Variants in DLG2 observed in about 807,000 individuals in gnomAD.
DLG2 encodes the protein discs large MAGUK scaffold protein 2, also known as disks large homolog 2.
DLG2 carries 45 observed loss-of-function variants against 132.5 expected under a neutral mutation model. The ratio of observed to expected loss-of-function variants is 0.34; its 90% CI spans 0.27 to 0.44. The LOEUF is 0.44. DLG2 is among the 20% of genes least tolerant of loss of function. The pLI, the probability that DLG2 is intolerant of heterozygous loss-of-function variation, is 1.00. For missense variants in DLG2, 1,045 were observed against 1,196.9 expected (o/e 0.87, Z 1.87); for synonymous variants, 424 against 419.6 (o/e 1.01, Z -0.13).
intron 6 of DLG2, among the ~76,000 whole-genome samples, chr11:85,060,531 A>G (rs1451959285): frequency 6.6e-6 from 1 of 150,870 alleles, no homozygotes; most frequent in African/African-American, 2.4e-5. Flanking sequence ...ACATGTATTT[A>G]TATATACACG....
intron 21 of DLG2, among the ~76,000 whole-genome samples, chr11:83,488,186 A>G (rs1490581553): frequency 6.6e-6 from 1 of 152,036 alleles, no homozygotes; most frequent in Admixed American, 6.6e-5. Flanking sequence ...TGGTGTAAAT[A>G]ATTTTTATCT....
At chr11:83,850,374 T>C (rs1377908116) in intron 16 of DLG2, among the ~76,000 whole-genome samples, 3 of 152,096 alleles carry the variant, frequency 2.0e-5, no homozygotes, top group Non-Finnish European at 4.4e-5. Flanking sequence ...AGGATGGTCT[T>C]GATTTCTTGA....
rs140551449 is a variant in DLG2 at position 84,750,846 on chromosome 11, T to C, written c.358-216115A>G. Among the ~76,000 whole-genome samples the C allele has an allele frequency of 1.2e-4, 18 of 152,258 alleles. No individual in the cohort carries two copies. The East Asian group carries it at 3.3e-3, about 28-fold the overall frequency. On this transcript the variant is annotated intron_variant, in intron 6 of 27. Coordinates refer to ENST00000376104, the MANE Select transcript of DLG2 (RefSeq NM_001142699.3). ...TACCACCTGATTGACTGCAAAATTG[T>C]TAAGAAAGATTCCCTGAGGTAATCC...
At chr11:84,843,291 A>T (rs543011838) in intron 6 of DLG2, among the ~76,000 whole-genome samples, 1,109 of 100,650 alleles carry the variant, frequency 0.011, 13 homozygotes, top group African/African-American at 0.049. Context: ...TAGTACTGTT[A>T]AAAAAAAAAA....
At chr11:84,904,410 T>G (rs1466055490) in intron 6 of DLG2, among the ~76,000 whole-genome samples, 5 of 152,234 alleles carry the variant, frequency 3.3e-5, no homozygotes, top group Non-Finnish European at 7.3e-5. Context: ...TTTTCCACTC[T>G]GAAAGCTCAC....
chr11:84,074,765 T>TG (rs1443786589), intron 10 of DLG2, among the ~76,000 whole-genome samples: 2 of 152,020 alleles, frequency 1.3e-5, no homozygotes, highest in South Asian at 4.1e-4. Context: ...CCTGACCTCG[T>TG]GATCTGCCCA....
At chr11:84,896,074 C>A (rs1420709184) in intron 6 of DLG2, among the ~76,000 whole-genome samples, 1 of 152,032 alleles carries the variant, frequency 6.6e-6, no homozygotes. Context: ...TAACAGTGGG[C>A]TTCAGTCAGA....
intron 17 of DLG2, among the ~76,000 whole-genome samples, chr11:83,805,028 A>G (rs2045544950): frequency 6.6e-6 from 1 of 152,144 alleles, no homozygotes; most frequent in African/African-American, 2.4e-5. Flanking sequence ...GAATCAGGTG[A>G]AACATTTTTA....
intron 7 of DLG2, chr11:84,273,306 G>GAAAAAAAA (rs752762450): frequency 5.1e-6 from 4 of 791,320 alleles, no homozygotes; most frequent in Non-Finnish European, 2.9e-6. Context: ...AGTTGAAGAG[G>GAAAAAAAA]AAAAAAAAAA....
chr11:85,101,720 G>T (rs2070874616), intron 6 of DLG2, among the ~76,000 whole-genome samples: 1 of 152,032 alleles, frequency 6.6e-6, no homozygotes, highest in Non-Finnish European at 1.5e-5. Context: ...AAATAATGCT[G>T]TAGCACACAG....
chr11:83,808,760 T>C (rs760697302), intron 17 of DLG2, among the ~76,000 whole-genome samples: 1 of 152,186 alleles, frequency 6.6e-6, no homozygotes, highest in African/African-American at 2.4e-5. Context: ...TACACTGCAC[T>C]GTACACCGTA....
rs539190652 is a variant in DLG2 at position 85,065,009 on chromosome 11, T to C, written c.357+46652A>G. On this transcript the variant is annotated intron_variant, in intron 6 of 27. Coordinates refer to ENST00000376104, the MANE Select transcript of DLG2 (RefSeq NM_001142699.3). ...TTTACATAAAGAGATAAGTAGTATA[T>C]CTGTGGTATAAAAATTTCAAGAGGG... Among the ~76,000 whole-genome samples the C allele has an allele frequency of 9.9e-5, 15 of 151,674 alleles. No individual in the cohort carries two copies. In the South Asian group the frequency reaches 1.9e-3, roughly 19 times the overall value.
intron 18 of DLG2, among the ~76,000 whole-genome samples, chr11:83,707,791 T>C (rs1412451784): frequency 6.6e-6 from 1 of 152,232 alleles, no homozygotes; most frequent in Admixed American, 6.5e-5. Flanking sequence ...GCAGGAACCC[T>C]GTCTTAATCA....
At chr11:84,050,323 T>C (rs912396964) in intron 11 of DLG2, among the ~76,000 whole-genome samples, 1 of 151,948 alleles carries the variant, frequency 6.6e-6, no homozygotes, top group Non-Finnish European at 1.5e-5. Context: ...ATGTCTTCTT[T>C]TGAGAAGTGT....
chr11:85,564,665 T>A (rs2077431610), intron 3 of DLG2, among the ~76,000 whole-genome samples: 1 of 152,074 alleles, frequency 6.6e-6, no homozygotes, highest in South Asian at 2.1e-4. Context: ...TTTAGCTTTA[T>A]AATAAGTCTC....
intron 24 of DLG2, among the ~76,000 whole-genome samples, chr11:83,470,987 A>G (rs2091952562): frequency 6.6e-6 from 1 of 151,984 alleles, no homozygotes; most frequent in Non-Finnish European, 1.5e-5. Flanking sequence ...TGGAGAAAGT[A>G]TGGTAGGGGT....
intron 15 of DLG2, among the ~76,000 whole-genome samples, chr11:83,918,243 G>A (rs1015376614): frequency 3.3e-5 from 5 of 152,142 alleles, no homozygotes; most frequent in East Asian, 1.9e-4. Context: ...AACAGTATAC[G>A]TATAGGTGAG....
intron 6 of DLG2, among the ~76,000 whole-genome samples, chr11:84,910,196 C>G (rs913290640): frequency 5.3e-5 from 8 of 152,154 alleles, no homozygotes; most frequent in African/African-American, 1.9e-4. Context: ...CAACCTCTAC[C>G]CTCCTTCAGC....
chr11:84,281,700 G>T (rs1454677440), intron 7 of DLG2, among the ~76,000 whole-genome samples: 1 of 148,090 alleles, frequency 6.8e-6, no homozygotes, highest in Non-Finnish European at 1.5e-5. Flanking sequence ...CCAAAAATGA[G>T]CCAAAGATTT....
Sources: gnomAD v4.1 joint callset for allele counts (sites outside exome capture counted in the v4.1 genomes callset) on GRCh38, gnomAD v4.1.1 for gene constraint, MANE v1.5 for transcripts, NCBI Gene and HGNC (gene_info 2026-07-23, HGNC 2026-07-21) for gene names.